Variants in CENPL observed in about 807,000 individuals in gnomAD.
CENPL encodes the protein centromere protein L.
Under a neutral mutation model 35.2 loss-of-function variants are expected in CENPL, and 20 were observed. The ratio of observed to expected loss-of-function variants is 0.57; its 90% CI spans 0.40 to 0.83. The LOEUF (loss-of-function observed/expected upper bound fraction) is 0.83, where lower values mean the gene tolerates loss of function less well. Ranked by LOEUF, CENPL falls within the 40% of genes least tolerant of loss-of-function variation. CENPL has a pLI of 0.00. For missense variants in CENPL, 363 were observed against 395.8 expected, an observed-to-expected ratio of 0.92 and a Z score of 0.70; for synonymous variants, 140 against 140.6, an observed-to-expected ratio of 1.00 and a Z score of 0.03.
chr1:173,806,351 C>T (rs79947184), intron 4 of CENPL: 29,318 of 339,492 alleles, frequency 0.086, 1,680 homozygotes, highest in East Asian at 0.32. Flanking sequence ...TTTGGGAGGC[C>T]AAGGTGGGTG....
At chr1:173,812,867 A>G (rs1005742652) in intron 2 of CENPL, among the ~76,000 whole-genome samples, 7 of 152,190 alleles carry the variant, frequency 4.6e-5, no homozygotes, top group Admixed American at 3.9e-4. Flanking sequence ...CGGTAATAAC[A>G]AACTTCTCAG....
In CENPL at chr1:173,803,412, C is replaced by T; in HGVS notation, c.514G>A (p.Glu172Lys). Residue 172 changes from glutamate to lysine, a missense_variant, in exon 5 of 6, where the codon GAG (glutamate) becomes AAG (lysine). Transcript: ENST00000682279. The part of the protein sequence containing the change: ...FCCVFGDSLL[E>K]TVSEDFTCLP... ...CAGGTGAAATCTTCTGAAACAGTCT[C>T]CAGAAGACTGTCTCCAAATACACAG... The T allele has an allele frequency of 6.2e-7, 1 of 1,613,284 alleles. No homozygotes were observed. Among genetic ancestry groups the T allele is most frequent in the Non-Finnish European group, 8.5e-7 (1 of 1,179,236 alleles).
At chr1:173,817,113 G>T (rs1050577961) in intron 2 of CENPL, among the ~76,000 whole-genome samples, 1 of 151,948 alleles carries the variant, frequency 6.6e-6, no homozygotes, top group Non-Finnish European at 1.5e-5. Flanking sequence ...ACTCTAGCCT[G>T]GGTGACAGAG....
At chr1:173,805,863 G>C (rs980292239) in intron 4 of CENPL, among the ~76,000 whole-genome samples, 1 of 152,048 alleles carries the variant, frequency 6.6e-6, no homozygotes, top group African/African-American at 2.4e-5. Context: ...AAAAAAGACA[G>C]TATACCACTA....
intron 5 of CENPL, among the ~76,000 whole-genome samples, 195 bp from the exon 6 acceptor site, chr1:173,800,714 G>A (rs1234704890): frequency 1.3e-5 from 2 of 152,130 alleles, no homozygotes; most frequent in South Asian, 2.1e-4. Context: ...TTGAGAGGCC[G>A]AGGCAGGAGG....
chr1:173,806,293 A>C (rs1251591664), intron 4 of CENPL: 1 of 248,176 alleles, frequency 4.0e-6, no homozygotes, highest in Non-Finnish European at 8.3e-6. Flanking sequence ...TAATAAACAA[A>C]ATAAATCTGA....
Position 173,811,250 on chromosome 1 carries a change from G to A in CENPL, c.50C>T (p.Pro17Leu). 6.2e-7 allele frequency: 1 copy of A among 1,612,744 alleles called. No homozygotes were observed. The highest frequency in any genetic ancestry group is 8.5e-7 in the Non-Finnish European group (1 of 1,178,800). The stretch of plus-strand genomic sequence containing the variant: ...AGTGGCACCTATAAAGTAATCTTCA[G>A]GTCTTGAGGATGCACTAGGAGTTGA... ...PESTPSASSR[P>L]EDYFIGATPL... The change falls in exon 3 of 6, where the codon CCT becomes CTT. Residue 17 changes from proline (P) to leucine (L), a missense_variant. Physicochemically the swap from Pro to Leu is moderately conservative, Grantham distance 98 (BLOSUM62 -3). Coordinates refer to ENST00000682279, the MANE Select transcript of CENPL (RefSeq NM_001387287.1).
intron 4 of CENPL, among the ~76,000 whole-genome samples, chr1:173,804,258 C>T (rs900022103): frequency 6.6e-6 from 1 of 152,218 alleles, no homozygotes; most frequent in African/African-American, 2.4e-5. Flanking sequence ...CTGCTTTCTT[C>T]CTTTTGGGCA....
At chr1:173,807,166 G>A (rs941777966) in intron 4 of CENPL, 101 bp downstream of exon 4, 3 of 1,086,598 alleles carry the variant, frequency 2.8e-6, no homozygotes, top group Non-Finnish European at 3.7e-6. Context: ...TATATATATA[G>A]GAAAAAATTT....
chr1:173,801,851 T>G (rs1226145165), intron 5 of CENPL, among the ~76,000 whole-genome samples: 1 of 149,070 alleles, frequency 6.7e-6, no homozygotes, highest in African/African-American at 2.5e-5. Flanking sequence ...ATAAAAATAG[T>G]AAAAAAAGTA....
chr1:173,801,931 G>A (rs1377170953), intron 5 of CENPL, among the ~76,000 whole-genome samples: 3 of 151,896 alleles, frequency 2.0e-5, no homozygotes, highest in East Asian at 3.9e-4. Flanking sequence ...GCTGAGGCAC[G>A]AGAATCGCTT....
intron 2 of CENPL, among the ~76,000 whole-genome samples, chr1:173,819,191 GC>G (rs1391629144): frequency 1.3e-5 from 2 of 152,004 alleles, no homozygotes; most frequent in African/African-American, 4.8e-5. Context: ...ATGTGATCAT[GC>G]CACCGAATTC....
chr1:173,804,467 A>G (rs189852974), intron 4 of CENPL, among the ~76,000 whole-genome samples: 72 of 152,376 alleles, frequency 4.7e-4, no homozygotes, highest in African/African-American at 1.6e-3. Flanking sequence ...ATAAGTGAAT[A>G]TAATTACTTT....
intron 3 of CENPL, among the ~76,000 whole-genome samples, chr1:173,810,003 T>G (rs1650654602): frequency 6.6e-6 from 1 of 152,212 alleles, no homozygotes; most frequent in African/African-American, 2.4e-5. Context: ...ACCAATCTCC[T>G]TACTGGGTAT....
At chr1:173,821,141 C>T (rs1571969343) in intron 2 of CENPL, among the ~76,000 whole-genome samples, 1 of 152,338 alleles carries the variant, frequency 6.6e-6, no homozygotes, top group South Asian at 2.1e-4. Context: ...ATTGCTAACA[C>T]TTATTGAGCA....
At position 173,807,284 on chromosome 1, in the gene CENPL, C is replaced by G. The variant is rs762268983; in HGVS notation, c.403G>C (p.Glu135Gln). The G allele has an allele frequency of 3.1e-6, 5 of 1,607,690 alleles. No individual in the cohort carries two copies. The African/African-American group carries it at 5.4e-5, about 17-fold the overall frequency. Residue 135 changes from glutamate (E) to glutamine (Q), a missense_variant, in exon 4 of 6, where the codon GAA becomes CAA. Transcript: ENST00000682279. ...LGMKGTQRDP[E>Q]AFLVQIVSKS... ...TATTATACCTGGACAAGAAATGCTT[C>G]CGGGTCCCTTTGTGTTCCTTTCATT... is the stretch of plus-strand genomic sequence containing the variant.
At chr1:173,810,878 C>A (rs1341932282) in intron 3 of CENPL, among the ~76,000 whole-genome samples, 1 of 152,134 alleles carries the variant, frequency 6.6e-6, no homozygotes, top group Non-Finnish European at 1.5e-5. Context: ...GATCGCGCCA[C>A]TGCACTCCAG....
At chr1:173,818,002 C>G (rs949363182) in intron 2 of CENPL, among the ~76,000 whole-genome samples, 6 of 151,776 alleles carry the variant, frequency 4.0e-5, no homozygotes, top group Admixed American at 1.3e-4. Flanking sequence ...CGGGGCCTGT[C>G]GAGGGGTCAG....
At chr1:173,812,220 ACT>A (rs1475599719) in intron 2 of CENPL, among the ~76,000 whole-genome samples, 1 of 152,170 alleles carries the variant, frequency 6.6e-6, no homozygotes, top group Non-Finnish European at 1.5e-5. Flanking sequence ...GCCTCTATAG[ACT>A]CCACCTCTGT....
Sources: allele counts gnomAD v4.1 joint callset (sites outside exome capture counted in the v4.1 genomes callset), GRCh38; gene constraint gnomAD v4.1.1; transcripts MANE v1.5; gene names NCBI Gene and HGNC (gene_info 2026-07-23, HGNC 2026-07-21).